Variants in TERF1 observed in about 807,000 individuals in gnomAD.
TERF1 encodes telomeric repeat-binding factor 1.
Under a neutral mutation model 55.1 loss-of-function variants are expected in TERF1, and 20 were observed. That is an observed-to-expected ratio of 0.36 (90% CI 0.26 to 0.53). The LOEUF (loss-of-function observed/expected upper bound fraction) is 0.53, where lower values mean the gene tolerates loss of function less well. TERF1 is among the 20% of genes least tolerant of loss of function. The pLI is 0.91. For missense variants in TERF1, 439 were observed against 535.7 expected (o/e 0.82, Z 1.78); for synonymous variants, 168 against 181.2 (o/e 0.93, Z 0.59).
chr8:73,044,677 A>T (rs561738462), intron 9 of TERF1, among the ~76,000 whole-genome samples: 14 of 152,062 alleles, frequency 9.2e-5, no homozygotes, highest in Non-Finnish European at 1.8e-4. Context: ...ACAAAACTGA[A>T]ACCGTACTCC....
intron 8 of TERF1, among the ~76,000 whole-genome samples, chr8:73,037,562 A>T (rs1177879803): frequency 8.7e-6 from 1 of 115,214 alleles, no homozygotes; most frequent in African/African-American, 3.3e-5. Flanking sequence ...CGGGGGGGAA[A>T]ATATATATAT....
intron 5 of TERF1, 119 bp from the exon 6 acceptor site, chr8:73,026,821 G>A (rs1809027232): frequency 3.9e-6 from 3 of 760,838 alleles, no homozygotes; most frequent in Non-Finnish European, 6.5e-6. Flanking sequence ...TCATTGGCCT[G>A]TGAACAGATA....
intron 5 of TERF1, 141 bp downstream of exon 5, chr8:73,025,112 A>G (rs535234540): frequency 6.0e-6 from 3 of 502,338 alleles, no homozygotes; most frequent in African/African-American, 2.0e-5. Flanking sequence ...AAAATGTTAC[A>G]TTTTGTGGAC....
chr8:73,019,931 A>C (rs56136510), intron 2 of TERF1, among the ~76,000 whole-genome samples: 3,449 of 151,320 alleles, frequency 0.023, 62 homozygotes, highest in South Asian at 0.042. Flanking sequence ...CTACTCTGAA[A>C]CTATATTGTT....
At chr8:73,018,590 C>T (rs1475838435) in intron 2 of TERF1, among the ~76,000 whole-genome samples, 1 of 152,178 alleles carries the variant, frequency 6.6e-6, no homozygotes, top group African/African-American at 2.4e-5. Flanking sequence ...ACAGCAGAAT[C>T]GCTTGAACCC....
intron 2 of TERF1, among the ~76,000 whole-genome samples, chr8:73,015,249 A>C (rs1808450259): frequency 2.6e-5 from 4 of 151,786 alleles, no homozygotes; most frequent in Admixed American, 1.3e-4. Context: ...ACCATAATGC[A>C]CTAAACTGAG....
At chr8:73,026,333 AC>A (rs1808996605) in intron 5 of TERF1, among the ~76,000 whole-genome samples, 1 of 152,132 alleles carries the variant, frequency 6.6e-6, no homozygotes, top group African/African-American at 2.4e-5. Context: ...CCCCGTCTCT[AC>A]AAAAAAATTA....
intron 1 of TERF1, chr8:73,011,937 C>T (rs1239428012): frequency 6.6e-6 from 1 of 152,060 alleles, no homozygotes; most frequent in Admixed American, 6.6e-5. Context: ...AGAACTTTTC[C>T]TTTGTATTAA....
intron 2 of TERF1, among the ~76,000 whole-genome samples, chr8:73,016,808 G>A (rs369791994): frequency 6.6e-5 from 10 of 152,156 alleles, no homozygotes; most frequent in African/African-American, 1.9e-4. Context: ...TCCAGTCGAC[G>A]TGCCAGCCCC....
chr8:73,036,934 T>C (rs1033871354), intron 8 of TERF1, among the ~76,000 whole-genome samples: 1 of 143,250 alleles, frequency 7.0e-6, no homozygotes, highest in African/African-American at 2.6e-5. Flanking sequence ...AGTTTAATTC[T>C]ATTTCAGTCT....
chr8:73,045,544 C>T (rs527895135), intron 9 of TERF1, among the ~76,000 whole-genome samples: 1 of 152,124 alleles, frequency 6.6e-6, no homozygotes, highest in South Asian at 2.1e-4. Flanking sequence ...TAATACTTCC[C>T]CTACCATAGG....
intron 1 of TERF1, chr8:73,009,656 T>G: frequency 6.4e-6 from 1 of 155,460 alleles, no homozygotes; most frequent in Non-Finnish European, 1.4e-5. Flanking sequence ...ACTTTTATTC[T>G]GTGTAGTCTC....
chr8:73,009,286 C>G, intron 1 of TERF1, 81 bp downstream of exon 1: 4 of 771,938 alleles, frequency 5.2e-6, no homozygotes, highest in Non-Finnish European at 7.3e-6. Context: ...GGCTGGTTCC[C>G]TACGTCGCCG....
intron 4 of TERF1, 114 bp from the exon 5 acceptor site, chr8:73,024,706 CTG>C (rs1190551089): frequency 5.4e-5 from 40 of 742,364 alleles, no homozygotes; most frequent in Non-Finnish European, 8.0e-5. Context: ...TTAAAAATAT[CTG>C]TGTCTCTTGA....
intron 9 of TERF1, chr8:73,043,346 C>G (rs1809907118): frequency 6.6e-6 from 1 of 152,086 alleles, no homozygotes; most frequent in African/African-American, 2.4e-5. Context: ...TAAAGTTACT[C>G]TTTTTCAATA....
At chr8:73,035,051 A>G (rs1809455245) in intron 8 of TERF1, among the ~76,000 whole-genome samples, 1 of 152,228 alleles carries the variant, frequency 6.6e-6, no homozygotes, top group Non-Finnish European at 1.5e-5. Context: ...TTAATATGTA[A>G]AACTGAAGGA....
chr8:73,010,665 T>G (rs183635887), intron 1 of TERF1: 3 of 152,336 alleles, frequency 2.0e-5, no homozygotes, highest in Admixed American at 2.0e-4. Flanking sequence ...AGGTAATACT[T>G]TATTCCATAA....
At chr8:73,020,511 T>A (rs1416814086) in intron 2 of TERF1, among the ~76,000 whole-genome samples, 173 bp from the exon 3 acceptor site, 1 of 152,200 alleles carries the variant, frequency 6.6e-6, no homozygotes, top group Non-Finnish European at 1.5e-5. Context: ...TTGAAATTGA[T>A]CTTAATGAGC....
At chr8:73,015,850 G>A (rs1343035037) in intron 2 of TERF1, among the ~76,000 whole-genome samples, 1 of 152,082 alleles carries the variant, frequency 6.6e-6, no homozygotes, top group Non-Finnish European at 1.5e-5. Flanking sequence ...TCCCATTCCA[G>A]CAGGTGTAGC....
Sources: allele counts gnomAD v4.1 joint callset (sites outside exome capture counted in the v4.1 genomes callset), GRCh38; gene constraint gnomAD v4.1.1; transcripts MANE v1.5; gene names NCBI Gene and HGNC (gene_info 2026-07-23, HGNC 2026-07-21).